FRMPD4: variants seen among roughly 807,000 people sequenced by gnomAD.
FRMPD4 encodes the protein FERM and PDZ domain-containing protein 4.
FRMPD4 carries 22 observed loss-of-function variants against 94.1 expected under a neutral mutation model. That is an observed-to-expected ratio of 0.23 (90% confidence interval 0.17 to 0.33). FRMPD4 has a LOEUF of 0.33. Ranked by LOEUF, FRMPD4 falls within the 10% of genes least tolerant of loss-of-function variation. The probability of loss-of-function intolerance (pLI) is 1.00; values close to 1 mark genes in which losing one functional copy is unlikely to be tolerated. For synonymous variants in FRMPD4, 631 were observed against 548.6 expected (o/e 1.15, Z -2.10); for missense variants, 1,111 against 1,339.9 (o/e 0.83, Z 2.67).
At chrX:12,230,985 G>GTAAATATATAGTAA (rs2056984782) in intron 1 of FRMPD4, among the ~76,000 whole-genome samples, 9 of 45,602 alleles carry the variant, frequency 2.0e-4, no homozygotes, top group African/African-American at 7.3e-4. Flanking sequence ...AATATATATA[G>GTAAATATATAGTAA]TATATATAGT....
chrX:12,362,548 T>C (rs1221090497), intron 1 of FRMPD4, among the ~76,000 whole-genome samples: 2 of 111,813 alleles, frequency 1.8e-5, no homozygotes, highest in Non-Finnish European at 3.8e-5. Context: ...TCATTTTTTA[T>C]GGCTGCATAG....
chrX:12,313,257 G>A (rs909940261), intron 1 of FRMPD4, among the ~76,000 whole-genome samples: 1 of 112,208 alleles, frequency 8.9e-6, no homozygotes, highest in African/African-American at 3.2e-5. Flanking sequence ...GTAGAAGTCA[G>A]GACTCTGGAG....
At chrX:12,160,839 T>A (rs16986788) in intron 1 of FRMPD4, among the ~76,000 whole-genome samples, 11,660 of 110,797 alleles carry the variant, frequency 0.11, 598 homozygotes, top group African/African-American at 0.18. Flanking sequence ...AGTGTTATTA[T>A]GAGTACTGGT....
At chrX:12,122,585 TTAACTG>T (rs891005028) in intron 3 of FRMPD4, among the ~76,000 whole-genome samples, 11 of 100,444 alleles carry the variant, frequency 1.1e-4, no homozygotes, top group African/African-American at 3.7e-4. Context: ...AGTTGAACAA[TTAACTG>T]TATCTTTTTT....
chrX:12,166,491 A>G (rs1369222246), intron 1 of FRMPD4, among the ~76,000 whole-genome samples: 4 of 111,352 alleles, frequency 3.6e-5, no homozygotes, highest in South Asian at 3.8e-4. Flanking sequence ...ATGTTCATCA[A>G]GGATATTGGT....
intron 1 of FRMPD4, among the ~76,000 whole-genome samples, chrX:12,196,268 C>T (rs747319128): frequency 3.6e-5 from 4 of 111,779 alleles, no homozygotes; most frequent in African/African-American, 1.3e-4. Flanking sequence ...GCTGACATAG[C>T]CACCCTGTAT....
intron 1 of FRMPD4, among the ~76,000 whole-genome samples, chrX:12,146,625 A>G (rs1039248199): frequency 8.9e-6 from 1 of 112,149 alleles, no homozygotes; most frequent in Admixed American, 9.4e-5. Context: ...AAAAATTCCT[A>G]TCTGTCTTTT....
chrX:12,172,947 C>T (rs765267797), intron 1 of FRMPD4, among the ~76,000 whole-genome samples: 15 of 112,981 alleles, frequency 1.3e-4, no homozygotes, highest in Non-Finnish European at 2.2e-4. Flanking sequence ...ATAGTCTCCG[C>T]TTTACATTTG....
intron 1 of FRMPD4, among the ~76,000 whole-genome samples, chrX:12,234,761 G>T (rs2057053217): frequency 8.9e-6 from 1 of 112,320 alleles, no homozygotes; most frequent in Non-Finnish European, 1.9e-5. Context: ...GGAAAGCAAT[G>T]GGGCAGCAAT....
chrX:12,518,077 G>A (rs1410435992), intron 2 of FRMPD4, among the ~76,000 whole-genome samples: 3 of 112,198 alleles, frequency 2.7e-5, no homozygotes, highest in East Asian at 5.6e-4. Context: ...GAGCTGCAGC[G>A]ATGGTGGCCA....
In FRMPD4 at chrX:12,138,583, C is replaced by T; in HGVS notation, c.-389C>T. ...GCACGAGGGTCCGAGGGCCGGGAAG[C>T]CAGAGCAGCGCCTCTCGCCCAGGCC... is the stretch of plus-strand genomic sequence containing the variant. On this transcript the variant is annotated 5_prime_UTR_variant, in exon 1 of 17. Transcript: ENST00000675598. 1 of 269,589 alleles carries T rather than the reference C, an allele frequency of 3.7e-6. No individual in the cohort carries two copies. Among genetic ancestry groups the T allele is most frequent in the Non-Finnish European group, 6.5e-6 (1 of 152,745 alleles). The allele number at this position is 269,589 out of a possible 1,213,427, so 22.2% of individuals were successfully genotyped here.
At chrX:11,924,162 C>T (rs1196617317) in intron 3 of FRMPD4, among the ~76,000 whole-genome samples, 1 of 111,346 alleles carries the variant, frequency 9.0e-6, no homozygotes, top group Non-Finnish European at 1.9e-5. Context: ...GCAGAATAGA[C>T]CAAGTGGAGA....
At chrX:12,247,023 G>A (rs912981725) in intron 1 of FRMPD4, among the ~76,000 whole-genome samples, 2 of 111,656 alleles carry the variant, frequency 1.8e-5, no homozygotes, top group Non-Finnish European at 3.8e-5. Flanking sequence ...GGGATTCAGA[G>A]TAGGTGAGAT....
At chrX:12,264,579 T>C (rs2054244796) in intron 1 of FRMPD4, among the ~76,000 whole-genome samples, 1 of 112,399 alleles carries the variant, frequency 8.9e-6, no homozygotes, top group South Asian at 3.7e-4. Context: ...CAGGTGTTGA[T>C]TGGAATTAAG....
chrX:12,512,597 C>T lies in FRMPD4; in HGVS notation c.158+13801C>T, dbSNP rs1233694535. Among the ~76,000 whole-genome samples, 4 of 112,506 alleles carry T rather than the reference C, an allele frequency of 3.6e-5. No individual in the cohort carries two copies. The East Asian group carries it at 1.1e-3, about 31-fold the overall frequency. On this transcript the variant is annotated intron_variant, in intron 2 of 16. Coordinates refer to ENST00000675598, the MANE Select transcript of FRMPD4 (RefSeq NM_001368397.1). ...ATAGTATTCTGTGGTGTATATGTAC[C>T]ACATTTTCTTTATCCAGTCTATCAT... is the stretch of plus-strand genomic sequence containing the variant.
intron 1 of FRMPD4, among the ~76,000 whole-genome samples, chrX:12,485,742 C>G (rs2057732621): frequency 9.0e-6 from 1 of 110,504 alleles, no homozygotes; most frequent in African/African-American, 3.3e-5. Flanking sequence ...AACCACATCT[C>G]TACTAAAAAT....
intron 2 of FRMPD4, among the ~76,000 whole-genome samples, chrX:12,510,806 A>C (rs1211088605): frequency 8.9e-6 from 1 of 112,389 alleles, no homozygotes; most frequent in African/African-American, 3.2e-5. Context: ...CGGACCATGC[A>C]TCTAGCATTT....
intron 1 of FRMPD4, among the ~76,000 whole-genome samples, chrX:11,853,380 A>C (rs774600189): frequency 1.1e-4 from 12 of 111,837 alleles, no homozygotes; most frequent in African/African-American, 1.6e-4. Context: ...AGCAGAAAAC[A>C]AGAAATAATT....
At chrX:12,215,419 A>G (rs1174110951) in intron 1 of FRMPD4, among the ~76,000 whole-genome samples, 6 of 110,986 alleles carry the variant, frequency 5.4e-5, no homozygotes, top group Non-Finnish European at 1.1e-4. Context: ...CCTTGTGTCC[A>G]GCTGGTTGCA....
Sources: allele counts gnomAD v4.1 joint callset (sites outside exome capture counted in the v4.1 genomes callset), GRCh38; gene constraint gnomAD v4.1.1; transcripts MANE v1.5; gene names NCBI Gene and HGNC (gene_info 2026-07-23, HGNC 2026-07-21).